BCAS4: variants seen among roughly 807,000 people sequenced by gnomAD.
BCAS4 encodes the protein breast carcinoma amplified sequence 4, also known as breast carcinoma-amplified sequence 4.
Under a neutral mutation model 15.7 loss-of-function variants are expected in BCAS4, and 9 were observed. That is an observed-to-expected ratio of 0.57 (90% CI 0.34 to 1.00). The LOEUF is 1.00. Ranked by LOEUF, BCAS4 falls within the 50% of genes least tolerant of loss-of-function variation. The pLI, the probability that BCAS4 is intolerant of heterozygous loss-of-function variation, is 0.02. For missense variants in BCAS4, 225 were observed against 239.1 expected, an observed-to-expected ratio of 0.94 and a Z score of 0.39; for synonymous variants, 101 against 99.5, an observed-to-expected ratio of 1.02 and a Z score of -0.09.
chr20:50,859,359 C>G (rs1441259830), intron 4 of BCAS4, among the ~76,000 whole-genome samples: 1 of 152,198 alleles, frequency 6.6e-6, no homozygotes, highest in African/African-American at 2.4e-5. Context: ...ACTGTTCAGA[C>G]CCTTGGCGTG....
chr20:50,805,729 C>A (rs1344559129), intron 1 of BCAS4, among the ~76,000 whole-genome samples: 1 of 152,146 alleles, frequency 6.6e-6, no homozygotes, highest in Non-Finnish European at 1.5e-5. Context: ...AATCCCAGCA[C>A]TTTGGGAGGC....
At chr20:50,830,181 A>G (rs2088326407) in intron 2 of BCAS4, 98 bp from the exon 3 acceptor site, 1 of 930,634 alleles carries the variant, frequency 1.1e-6, no homozygotes, top group East Asian at 2.5e-5. Flanking sequence ...CACCTCAGCC[A>G]TCATTGGGGT....
chr20:50,819,920 G>A (rs1600858991), intron 2 of BCAS4, among the ~76,000 whole-genome samples: 2 of 151,890 alleles, frequency 1.3e-5, no homozygotes, highest in Middle Eastern at 3.4e-3. Flanking sequence ...ATGCAATCTC[G>A]GCTCACTGCA....
At chr20:50,797,885 G>A (rs1178523726) in intron 1 of BCAS4, among the ~76,000 whole-genome samples, 1 of 151,836 alleles carries the variant, frequency 6.6e-6, no homozygotes, top group African/African-American at 2.4e-5. Flanking sequence ...GGCTGGTCTC[G>A]AACTCCTAGC....
intron 4 of BCAS4, among the ~76,000 whole-genome samples, chr20:50,854,494 G>C (rs1978647131): frequency 6.6e-6 from 1 of 152,118 alleles, no homozygotes; most frequent in South Asian, 2.1e-4. Context: ...TGTGTAGTGA[G>C]GCAAGTTGCT....
chr20:50,844,244 C>A (rs2088516862), intron 4 of BCAS4, among the ~76,000 whole-genome samples: 1 of 152,030 alleles, frequency 6.6e-6, no homozygotes, highest in Non-Finnish European at 1.5e-5. Flanking sequence ...GAGTTCAAGA[C>A]CAGCCTTGGC....
chr20:50,854,169 A>G (rs1479560703), intron 4 of BCAS4, among the ~76,000 whole-genome samples: 1 of 152,122 alleles, frequency 6.6e-6, no homozygotes, highest in African/African-American at 2.4e-5. Flanking sequence ...GAAAGCAGGA[A>G]TTCTGGAGCC....
At chr20:50,840,565 G>T in intron 3 of BCAS4, 3 of 1,530,722 alleles carry the variant, frequency 2.0e-6, no homozygotes, top group South Asian at 2.2e-5. Context: ...AGTAAAATAA[G>T]AAGGCAATGC....
At chr20:50,848,922 G>A (rs1011453408) in intron 4 of BCAS4, among the ~76,000 whole-genome samples, 4 of 152,274 alleles carry the variant, frequency 2.6e-5, no homozygotes, top group South Asian at 4.1e-4. Flanking sequence ...TGCTAGAGGG[G>A]GCAGCCATCA....
chr20:50,850,611 T>G (rs1192463963), intron 4 of BCAS4, among the ~76,000 whole-genome samples: 1 of 151,178 alleles, frequency 6.6e-6, no homozygotes, highest in Admixed American at 6.6e-5. Flanking sequence ...CAGCAAGTAG[T>G]TTTTATTTGG....
rs965437624 is a variant in BCAS4 at position 50,871,335 on chromosome 20, G to C, written c.400-5151G>C. Among the ~76,000 whole-genome samples the C allele has an allele frequency of 2.0e-5, 3 of 152,202 alleles. 1 individual carries two copies. The East Asian group carries it at 5.8e-4, about 29-fold the overall frequency. On this transcript the variant is annotated intron_variant, in intron 4 of 4. Transcript: ENST00000371608. ...TGAAAGTGGTTTCCATGGCATGCGG[G>C]TGTGCCGGTGAGGGGGTCTGCCTCT...
At chr20:50,845,400 C>T (rs2088531313) in intron 4 of BCAS4, among the ~76,000 whole-genome samples, 1 of 152,128 alleles carries the variant, frequency 6.6e-6, no homozygotes, top group African/African-American at 2.4e-5. Flanking sequence ...CTCAGCGCCT[C>T]CTCCCCCAGG....
intron 1 of BCAS4, among the ~76,000 whole-genome samples, chr20:50,811,664 C>T (rs956075648): frequency 5.3e-5 from 8 of 152,170 alleles, no homozygotes; most frequent in South Asian, 4.1e-4. Flanking sequence ...GTTCTCTCGC[C>T]GAGGCTGGAG....
At chr20:50,828,250 C>T (rs973546063) in intron 2 of BCAS4, among the ~76,000 whole-genome samples, 1 of 151,846 alleles carries the variant, frequency 6.6e-6, no homozygotes, top group South Asian at 2.1e-4. Flanking sequence ...AGCTAGGTGC[C>T]CAGAGAGATG....
intron 3 of BCAS4, among the ~76,000 whole-genome samples, chr20:50,838,037 C>G (rs2088431725): frequency 6.7e-6 from 1 of 150,140 alleles, no homozygotes; most frequent in Non-Finnish European, 1.5e-5. Flanking sequence ...GTGGCTGATT[C>G]AGCCTTTCAG....
chr20:50,863,590 A>C (rs1406251266), intron 4 of BCAS4, among the ~76,000 whole-genome samples: 1 of 152,072 alleles, frequency 6.6e-6, no homozygotes, highest in Non-Finnish European at 1.5e-5. Context: ...TTTTTTGTGG[A>C]GCCAACCACC....
At chr20:50,868,583 C>T (rs1979475127) in intron 4 of BCAS4, among the ~76,000 whole-genome samples, 2 of 152,144 alleles carry the variant, frequency 1.3e-5, no homozygotes, top group African/African-American at 4.8e-5. Context: ...CCACCATGAC[C>T]AGCTAATGTT....
chr20:50,852,535 C>T (rs954944784), intron 4 of BCAS4, among the ~76,000 whole-genome samples: 2 of 152,114 alleles, frequency 1.3e-5, no homozygotes, highest in African/African-American at 4.8e-5. Context: ...GTGCCCGCCA[C>T]CATGACTGGC....
intron 4 of BCAS4, among the ~76,000 whole-genome samples, chr20:50,850,371 T>C (rs540611656): frequency 6.6e-6 from 1 of 152,332 alleles, no homozygotes; most frequent in East Asian, 1.9e-4. Context: ...GCTTTGACCT[T>C]GGTCAGCTGG....
Sources: allele counts gnomAD v4.1 joint callset (sites outside exome capture counted in the v4.1 genomes callset), GRCh38; gene constraint gnomAD v4.1.1; transcripts MANE v1.5; gene names NCBI Gene and HGNC (gene_info 2026-07-23, HGNC 2026-07-21).